The following CBFA2T3 variants were observed in gnomAD, a reference collection of about 807,000 sequenced individuals.
The protein encoded by CBFA2T3 is CBFA2/RUNX1 partner transcriptional co-repressor 3, also known as transcriptional corepressor CBFA2T3.
In CBFA2T3, 31 loss-of-function variants were observed where a neutral mutation model predicts 58.6. The observed-to-expected ratio is 0.53, with a 90% confidence interval of 0.40 to 0.71. The LOEUF (loss-of-function observed/expected upper bound fraction) is 0.71. CBFA2T3 is among the 30% of genes least tolerant of loss of function. The pLI is 0.00. For missense variants in CBFA2T3, 1,076 were observed against 963.1 expected (o/e 1.12, Z -1.55); for synonymous variants, 531 against 421.9 (o/e 1.26, Z -3.17).
At chr16:88,954,198 A>G (rs1369368686) in intron 1 of CBFA2T3, among the ~76,000 whole-genome samples, 2 of 152,124 alleles carry the variant, frequency 1.3e-5, no homozygotes, top group East Asian at 3.8e-4. Context: ...AACTGCTATG[A>G]AAGGTCCCCT....
intron 1 of CBFA2T3, among the ~76,000 whole-genome samples, chr16:88,974,088 C>G (rs1972726366): frequency 6.6e-6 from 1 of 152,218 alleles, no homozygotes; most frequent in Non-Finnish European, 1.5e-5. Context: ...CTGCCTCAGC[C>G]TACACTTGCC....
At chr16:88,882,477 CTG>C (rs200430141) in intron 8 of CBFA2T3, among the ~76,000 whole-genome samples, 197 bp downstream of exon 8, 5 of 131,748 alleles carry the variant, frequency 3.8e-5, no homozygotes, top group African/African-American at 1.1e-4. Context: ...GTGGGGGTGG[CTG>C]TGTGTGACTG....
At chr16:88,937,068 C>A (rs1971526265) in intron 1 of CBFA2T3, 1 of 152,276 alleles carries the variant, frequency 6.6e-6, no homozygotes, top group South Asian at 2.1e-4. Context: ...GCTAAGGCGG[C>A]CCTCCCAGGC....
chr16:88,886,798 A>G (rs956838102), intron 5 of CBFA2T3: 2 of 152,332 alleles, frequency 1.3e-5, no homozygotes, highest in Non-Finnish European at 2.9e-5. Flanking sequence ...GTGATCCTCC[A>G]GCCTTGGTGA....
In CBFA2T3 at chr16:88,898,153, C is replaced by A. The variant is rs761656409; in HGVS notation, c.305-1G>T. On this transcript the variant is annotated splice_acceptor_variant, in intron 2 of 11. Coordinates refer to ENST00000268679, the MANE Select transcript of CBFA2T3 (RefSeq NM_005187.6). LOFTEE classifies it high-confidence loss of function. ...AGCGTCGCAGGCCCGTCCTCTCGAT[C>A]TGTAAGCAAAATAAGAAGAACACGC... is the stretch of plus-strand genomic sequence containing the variant. 1 of 1,611,426 alleles carries A rather than the reference C, an allele frequency of 6.2e-7. No homozygotes were observed. The highest frequency in any genetic ancestry group is 1.1e-5 in the South Asian group (1 of 91,056).
intron 1 of CBFA2T3, among the ~76,000 whole-genome samples, chr16:88,944,025 G>T (rs1971833592): frequency 6.6e-6 from 1 of 152,092 alleles, no homozygotes; most frequent in African/African-American, 2.4e-5. Context: ...TGTAGAGGCA[G>T]GAGCTCAATT....
At chr16:88,973,933 C>T (rs1329157711) in intron 1 of CBFA2T3, among the ~76,000 whole-genome samples, 1 of 152,106 alleles carries the variant, frequency 6.6e-6, no homozygotes, top group Non-Finnish European at 1.5e-5. Context: ...GTCCCCATAA[C>T]ACCCGCCCGC....
Position 88,953,327 on chromosome 16 carries a change from G to A in CBFA2T3, c.151+23330C>T, listed in dbSNP as rs1298730810. Among the ~76,000 whole-genome samples the A allele has an allele frequency of 2.6e-5, 4 of 152,202 alleles. No homozygotes were observed. Among genetic ancestry groups the A allele is most frequent in the South Asian group, 2.1e-4 (1 of 4,814 alleles). On this transcript the variant is annotated intron_variant, in intron 1 of 11. Transcript: ENST00000268679. This position sits in a 1 kb window ranked among gnomAD's most constrained non-coding sequence, Gnocchi z 4.9. Reference sequence around the variant, plus strand: ...CACACAGCCAGTGGTGAAGGTTCACGGAAGAACGAAGGAAGGAGTGAGCGT... The same window carrying A: ...CACACAGCCAGTGGTGAAGGTTCACAGAAGAACGAAGGAAGGAGTGAGCGT...
chr16:88,963,529 G>A (rs1451611876), intron 1 of CBFA2T3, among the ~76,000 whole-genome samples: 2 of 152,104 alleles, frequency 1.3e-5, no homozygotes, highest in Admixed American at 1.3e-4. Flanking sequence ...GGCCCCAGGA[G>A]CTGTCACTGT....
chr16:88,888,598 T>TGGGGTG (rs1291983611), intron 5 of CBFA2T3, among the ~76,000 whole-genome samples: 1 of 1,988 alleles, frequency 5.0e-4, no homozygotes, highest in African/African-American at 2.0e-3. Context: ...TGGGGTGGGG[T>TGGGGTG]GGGTGGGAGG....
Position 88,953,593 on chromosome 16 carries a change from C to T in CBFA2T3, c.151+23064G>A, listed in dbSNP as rs992894170. Among the ~76,000 whole-genome samples, 2 of 152,152 alleles carry T rather than the reference C, an allele frequency of 1.3e-5. No individual in the cohort carries two copies. The highest frequency in any genetic ancestry group is 4.8e-5 in the African/African-American group (2 of 41,426). On this transcript the variant is annotated intron_variant, in intron 1 of 11. Transcript: ENST00000268679. The surrounding 1 kb of genome is among the most constrained non-coding windows in gnomAD (Gnocchi z 4.9). ...AATGTAGAGGCCTGGGGGCTCCCGG[C>T]TGGGGACAGTGCCAGCAGGAGTGGC...
chr16:88,961,895 A>G, intron 1 of CBFA2T3, among the ~76,000 whole-genome samples: 1 of 146,604 alleles, frequency 6.8e-6, no homozygotes, highest in African/African-American at 2.5e-5. Flanking sequence ...TTCCCACTCC[A>G]TAGTAACCGA....
Position 88,880,763 on chromosome 16 carries a change from C to T in CBFA2T3, c.1428G>A (p.Arg476=). 1.9e-6 allele frequency: 3 copies of T among 1,584,634 alleles called. No individual in the cohort carries two copies. The highest frequency in any genetic ancestry group is 2.3e-5 in the East Asian group (1 of 43,366). ...CCTCAGGCACGTAGCCGGTGAGGGT[C>T]CTCGGCAGGAACTCGCGAGGCACGT... ...QLDVPREFLP[R]TLTGYVPEDI... The change falls in exon 10 of 12, where the codon AGG becomes AGA. Residue 476 remains arginine, a synonymous_variant. Coordinates refer to ENST00000268679, the MANE Select transcript of CBFA2T3 (RefSeq NM_005187.6).
intron 1 of CBFA2T3, among the ~76,000 whole-genome samples, chr16:88,973,968 A>G (rs1272488910): frequency 6.6e-6 from 1 of 151,852 alleles, no homozygotes; most frequent in African/African-American, 2.4e-5. Flanking sequence ...CTCCACTGAT[A>G]GTGCTCACCA....
chr16:88,960,728 T>C (rs2142862231), intron 1 of CBFA2T3, among the ~76,000 whole-genome samples: 1 of 152,334 alleles, frequency 6.6e-6, no homozygotes, highest in East Asian at 1.9e-4. Flanking sequence ...GTTGTGGCAC[T>C]GGCCTGGGCC....
chr16:88,879,272 C>T lies in CBFA2T3; in HGVS notation c.1660G>A (p.Glu554Lys), dbSNP rs761326155. The T allele has an allele frequency of 1.1e-5, 18 of 1,590,888 alleles. No homozygotes were observed. The highest frequency in any genetic ancestry group is 1.4e-5 in the Non-Finnish European group (16 of 1,167,226). ...TVINQQEDSS[E>K]SCWNCGRKAS... ...TCAGCGTGGCCGGGTGGCCCTACCTCGCTGGAGTCCTCCTGCTGGTTGATG... is the reference window on the plus strand; with the variant it reads ...TCAGCGTGGCCGGGTGGCCCTACCTTGCTGGAGTCCTCCTGCTGGTTGATG... The change falls in exon 11 of 12, where the codon GAG (glutamate) becomes AAG (lysine). Residue 554 changes from glutamate (E) to lysine (K), a missense_variant and splice_region_variant. By Grantham distance (56) the Glu-to-Lys change is moderately conservative. Transcript: ENST00000268679.
At chr16:88,914,381 C>T (rs1414689088) in intron 1 of CBFA2T3, among the ~76,000 whole-genome samples, 1 of 152,208 alleles carries the variant, frequency 6.6e-6, no homozygotes, top group African/African-American at 2.4e-5. Flanking sequence ...CTTCTGTGTG[C>T]AGTGCTGCGA....
intron 2 of CBFA2T3, among the ~76,000 whole-genome samples, chr16:88,898,828 G>A (rs1969990489): frequency 1.3e-5 from 2 of 152,188 alleles, no homozygotes; most frequent in Non-Finnish European, 2.9e-5. Flanking sequence ...TTCAAGACCA[G>A]CCTGGGCGAC....
At chr16:88,913,045 G>C (rs972216275) in intron 1 of CBFA2T3, among the ~76,000 whole-genome samples, 4 of 152,220 alleles carry the variant, frequency 2.6e-5, no homozygotes, top group Non-Finnish European at 5.9e-5. Context: ...CTGCCCTTTC[G>C]ATGGGATTGC....
Sources: allele counts gnomAD v4.1 joint callset (sites outside exome capture counted in the v4.1 genomes callset), GRCh38; gene constraint gnomAD v4.1.1; non-coding constraint Gnocchi (gnomAD v3.1); transcripts MANE v1.5; gene names NCBI Gene and HGNC (gene_info 2026-07-23, HGNC 2026-07-21).